The following MINAR2 variants were observed in gnomAD, a reference collection of about 807,000 sequenced individuals.
The protein encoded by MINAR2 is membrane integral NOTCH2 associated receptor 2, also known as major intrinsically disordered NOTCH2-binding receptor 1-like.
In MINAR2, 21 loss-of-function variants were observed where a neutral mutation model predicts 16.1. The ratio of observed to expected loss-of-function variants is 1.31; its 90% CI spans 0.93 to 1.88. The LOEUF is 1.88. Among genes scored for constraint, MINAR2 ranks in the 40% most tolerant of loss-of-function variants. MINAR2 has a pLI of 0.00. For missense variants in MINAR2, 259 were observed against 229.8 expected, an observed-to-expected ratio of 1.13 and a Z score of -0.82; for synonymous variants, 86 against 83.0, an observed-to-expected ratio of 1.04 and a Z score of -0.20.
chr5:129,762,760 T>C (rs1194171682), intron 2 of MINAR2: 1 of 202,152 alleles, frequency 4.9e-6, no homozygotes, highest in Non-Finnish European at 1.1e-5. Flanking sequence ...AGAAGAAAAA[T>C]AAAGAAGACA....
rs142572600 is a variant in MINAR2, at chr5:129,766,678, C to A, written c.*1615C>A. The A allele has an allele frequency of 0.013, 1,739 of 133,254 alleles. 37 individuals carry two copies. The highest frequency in any genetic ancestry group is 0.045 in the African/African-American group (1,481 of 32,584). The allele number at this position is 133,254 out of a possible 1,614,324, so 8.3% of individuals were successfully genotyped here. A position where few individuals can be genotyped will look rare whatever the true frequency, so the allele number is the denominator to read the frequency against. On this transcript the variant is annotated 3_prime_UTR_variant, in exon 3 of 3. Coordinates refer to ENST00000564719, the MANE Select transcript of MINAR2 (RefSeq NM_001257308.2). ...AAAACAAACAAACAAACAAAAAAAACCCCAAAAAAAGAGACAGTTTTACTG... is the reference window on the plus strand; with the variant it reads ...AAAACAAACAAACAAACAAAAAAAAACCCAAAAAAAGAGACAGTTTTACTG...
intron 1 of MINAR2, among the ~76,000 whole-genome samples, chr5:129,750,837 T>C (rs1757976882): frequency 6.6e-6 from 1 of 152,120 alleles, no homozygotes; most frequent in African/African-American, 2.4e-5. Context: ...GTTGAGGGGA[T>C]GTACTCAATA....
intron 1 of MINAR2, among the ~76,000 whole-genome samples, chr5:129,750,323 A>G (rs1236991528): frequency 6.6e-6 from 1 of 152,218 alleles, no homozygotes; most frequent in Non-Finnish European, 1.5e-5. Flanking sequence ...GAAAGAAGAC[A>G]CTGAATATGC....
At chr5:129,762,971 G>A (rs1758157658) in intron 2 of MINAR2, among the ~76,000 whole-genome samples, 1 of 152,174 alleles carries the variant, frequency 6.6e-6, no homozygotes, top group Non-Finnish European at 1.5e-5. Context: ...ACAGAATAAT[G>A]AGAAAATAAG....
intron 1 of MINAR2, among the ~76,000 whole-genome samples, chr5:129,756,393 T>C (rs906241717): frequency 1.3e-4 from 20 of 152,032 alleles, no homozygotes; most frequent in Non-Finnish European, 2.2e-4. Flanking sequence ...AGTTCTTTAG[T>C]GGTGATTTAT....
rs537913213 is a variant in MINAR2, at chr5:129,754,413, T to C, written c.166-5965T>C. On this transcript the variant is annotated intron_variant, in intron 1 of 2. Coordinates refer to ENST00000564719, the MANE Select transcript of MINAR2 (RefSeq NM_001257308.2). ...CTGAGAAAGTGTATGTGCTGACATA[T>C]GAAATACATGCAAAATGCCTTCTTT... Among the ~76,000 whole-genome samples, 20 of 152,314 alleles carry C rather than the reference T, an allele frequency of 1.3e-4. 1 individual carries two copies. Among genetic ancestry groups the C allele is most frequent in the African/African-American group, 4.6e-4 (19 of 41,584 alleles).
At position 129,765,762 on chromosome 5, in the gene MINAR2, A is replaced by G. The variant is rs1464511430; in HGVS notation, c.*699A>G. 6.6e-6 allele frequency: 1 copy of G among 152,206 alleles called. No homozygotes were observed. The highest frequency in any genetic ancestry group is 1.5e-5 in the Non-Finnish European group (1 of 68,040). The allele number at this position is 152,206 out of a possible 1,614,324, so 9.4% of individuals were successfully genotyped here. ...ATTACATTTAGATCCAATTTATCCA[A>G]ATTGGCTGTGACCCCTGGTGGCAGT... On this transcript the variant is annotated 3_prime_UTR_variant, in exon 3 of 3. Transcript: ENST00000564719.
chr5:129,765,191 T>A lies in MINAR2; in HGVS notation c.*128T>A. 2.1e-6 allele frequency: 1 copy of A among 473,916 alleles called. No individual in the cohort carries two copies. The highest frequency in any genetic ancestry group is 3.4e-6 in the Non-Finnish European group (1 of 293,926). 29.4% of individuals were successfully genotyped at this position (473,916 alleles called of 1,614,324 possible). On this transcript the variant is annotated 3_prime_UTR_variant, in exon 3 of 3. Transcript: ENST00000564719. ...AGTGTGAATGGATTGTTGATTGTATTATTAAATGTAATTGTCCTGAAGAAT... is the reference window on the plus strand; with the variant it reads ...AGTGTGAATGGATTGTTGATTGTATAATTAAATGTAATTGTCCTGAAGAAT...
At position 129,748,197 on chromosome 5, in the gene MINAR2, C is replaced by G; in HGVS notation, c.7C>G (p.Leu3Val). The G allele has an allele frequency of 6.5e-7, 1 of 1,534,958 alleles. No individual in the cohort carries two copies. The highest frequency in any genetic ancestry group is 8.7e-7 in the Non-Finnish European group (1 of 1,146,392). Residue 3 changes from leucine to valine, a missense_variant, in exon 1 of 3, where the codon CTC becomes GTC. By Grantham distance (32) the Leu-to-Val change is conservative. Transcript: ENST00000564719. MD[L>V]SVLPNNNHPD... is the part of the protein sequence containing the mutation. ...ACTGTAGGTGAAGGGAGACATGGAT[C>G]TCTCTGTTTTGCCAAATAACAACCA...
In MINAR2 at chr5:129,765,644, A is replaced by C. The variant is rs1758202619; in HGVS notation, c.*581A>C. ...AAAGGGAAATATCTTATTCAAATCT[A>C]TTCTTATTTCCCCAGTAATCATCTA... On this transcript the variant is annotated 3_prime_UTR_variant, in exon 3 of 3. Transcript: ENST00000564719. 1 of 152,194 alleles carries C rather than the reference A, an allele frequency of 6.6e-6. No individual in the cohort carries two copies. Among genetic ancestry groups the C allele is most frequent in the African/African-American group, 2.4e-5 (1 of 41,448 alleles). The allele number at this position is 152,194 out of a possible 1,614,324, so 9.4% of individuals were successfully genotyped here.
intron 2 of MINAR2, among the ~76,000 whole-genome samples, chr5:129,764,497 C>T (rs1758181936): frequency 6.6e-6 from 1 of 152,146 alleles, no homozygotes; most frequent in South Asian, 2.1e-4. Flanking sequence ...TTTATTTCAA[C>T]TTACTATGCT....
At position 129,765,103 on chromosome 5, in the gene MINAR2, A is replaced by C; in HGVS notation, c.*40A>C. ...TCAGAGCTACTTTAAATTTCCTAAA[A>C]ATTTTTCTGATAAACATTTGAAACC... On this transcript the variant is annotated 3_prime_UTR_variant, in exon 3 of 3. Transcript: ENST00000564719. 1.6e-6 allele frequency: 2 copies of C among 1,215,214 alleles called. No homozygotes were observed. Among genetic ancestry groups the C allele is most frequent in the Middle Eastern group, 2.1e-4 (1 of 4,794 alleles). 75.3% of individuals were successfully genotyped at this position (1,215,214 alleles called of 1,614,324 possible).
intron 1 of MINAR2, 56 bp from the exon 2 acceptor site, chr5:129,760,322 T>A (rs1758115728): frequency 7.7e-7 from 1 of 1,293,356 alleles, no homozygotes; most frequent in Admixed American, 2.0e-5. Context: ...TCACATTGCA[T>A]TCCCTACTAT....
chr5:129,755,269 A>T (rs1254052627), intron 1 of MINAR2, among the ~76,000 whole-genome samples: 1 of 152,110 alleles, frequency 6.6e-6, no homozygotes. Flanking sequence ...ATAATTTTAC[A>T]TTTATGTGTA....
intron 1 of MINAR2, among the ~76,000 whole-genome samples, chr5:129,753,238 C>T (rs1393124521): frequency 6.6e-6 from 1 of 151,958 alleles, no homozygotes; most frequent in Non-Finnish European, 1.5e-5. Flanking sequence ...AATTCCAGCA[C>T]TTTGGGAGGC....
rs1486085016 is a variant in MINAR2, at chr5:129,766,656, ACAAACAAAC to A, written c.*1594_*1602del. 1 of 87,940 alleles carries A rather than the reference ACAAACAAAC, an allele frequency of 1.1e-5. No individual in the cohort carries two copies. Among genetic ancestry groups the A allele is most frequent in the African/African-American group, 4.9e-5 (1 of 20,288 alleles). 5.4% of individuals were successfully genotyped at this position (87,940 alleles called of 1,614,324 possible). ...CCATAAAAAAAAAAAAAAAAAAAAA[ACAAACAAAC>A]AAACAAAAAAAACCCCAAAAAAAGA... On this transcript the variant is annotated 3_prime_UTR_variant, in exon 3 of 3. Coordinates refer to ENST00000564719, the MANE Select transcript of MINAR2 (RefSeq NM_001257308.2).
At chr5:129,756,979 T>A (rs144735559) in intron 1 of MINAR2, among the ~76,000 whole-genome samples, 1,934 of 147,378 alleles carry the variant, frequency 0.013, 18 homozygotes, top group Non-Finnish European at 0.02. Context: ...CAAACATATA[T>A]GTATATACAC....
In MINAR2 at chr5:129,748,228, A is replaced by G; in HGVS notation, c.38A>G (p.Asp13Gly). Reference protein sequence around the residue: ...LSVLPNNNHPDKFLQLDVKSL... With the variant: ...LSVLPNNNHPGKFLQLDVKSL... ...GTTTTGCCAAATAACAACCATCCTGACAAATTCCTGCAGCTTGACGTAAAG... is the reference window on the plus strand; with the variant it reads ...GTTTTGCCAAATAACAACCATCCTGGCAAATTCCTGCAGCTTGACGTAAAG... The change falls in exon 1 of 3, where the codon GAC becomes GGC. Residue 13 changes from aspartate (D) to glycine (G), a missense_variant. Physicochemically the swap from Asp to Gly is moderately conservative, Grantham distance 94. Coordinates refer to ENST00000564719, the MANE Select transcript of MINAR2 (RefSeq NM_001257308.2). 6.5e-7 allele frequency: 1 copy of G among 1,535,206 alleles called. No homozygotes were observed. The highest frequency in any genetic ancestry group is 8.7e-7 in the Non-Finnish European group (1 of 1,146,548).
chr5:129,750,821 A>C (rs1300972732), intron 1 of MINAR2, among the ~76,000 whole-genome samples: 2 of 152,196 alleles, frequency 1.3e-5, no homozygotes, highest in African/African-American at 2.4e-5. Flanking sequence ...GTGTGTGCAC[A>C]TGGTGGTTGA....
Sources: gnomAD v4.1 joint callset for allele counts (sites outside exome capture counted in the v4.1 genomes callset) on GRCh38, gnomAD v4.1.1 for gene constraint, MANE v1.5 for transcripts, NCBI Gene and HGNC (gene_info 2026-07-23, HGNC 2026-07-21) for gene names.